PRKDC: variants seen among roughly 807,000 people sequenced by gnomAD.
The protein encoded by PRKDC is protein kinase, DNA-activated, catalytic subunit.
Under a neutral mutation model 486.9 loss-of-function variants are expected in PRKDC, and 82 were observed. The observed-to-expected ratio is 0.17, with a 90% CI of 0.14 to 0.20. The LOEUF (loss-of-function observed/expected upper bound fraction) is 0.20, where lower values mean the gene tolerates loss of function less well. Among genes scored for constraint, PRKDC ranks in the 10% least tolerant of loss-of-function variants. The pLI is 1.00. For synonymous variants in PRKDC, 1,895 were observed against 1,837.0 expected, an observed-to-expected ratio of 1.03 and a Z score of -0.81; for missense variants, 4,504 against 5,038.2, an observed-to-expected ratio of 0.89 and a Z score of 3.21.
In PRKDC at chr8:47,830,817, G is replaced by T. The variant is rs941704022; in HGVS notation, c.8266-81C>A. Reference sequence around the variant, plus strand: ...CGTGCATGAGCTATGAGGCTGCCAGGATCCCCTGAACCATGAGGGCGAAGT... The same window carrying T: ...CGTGCATGAGCTATGAGGCTGCCAGTATCCCCTGAACCATGAGGGCGAAGT... On this transcript the variant is annotated intron_variant, in intron 60 of 85. Transcript: ENST00000314191. 2.5e-6 allele frequency: 4 copies of T among 1,570,040 alleles called. No individual in the cohort carries two copies. The African/African-American group carries it at 4.1e-5, about 16-fold the overall frequency.
intron 40 of PRKDC, among the ~76,000 whole-genome samples, chr8:47,876,188 A>C (rs1246968969): frequency 1.3e-5 from 2 of 152,218 alleles, no homozygotes; most frequent in Non-Finnish European, 2.9e-5. Flanking sequence ...TACTCAATAA[A>C]CTACCTAAAA....
At chr8:47,955,461 CAAAAAAAAAAAAAAAAA>C (rs746883720) in intron 4 of PRKDC, among the ~76,000 whole-genome samples, 1 of 18,536 alleles carries the variant, frequency 5.4e-5, no homozygotes, top group Admixed American at 4.1e-4. Flanking sequence ...GACTCCGTCT[CAAAAAAAAAAAAAAAAA>C]AAAAAAAAAG....
intron 22 of PRKDC, among the ~76,000 whole-genome samples, chr8:47,916,069 G>A (rs2089977056): frequency 6.6e-6 from 1 of 151,982 alleles, no homozygotes; most frequent in Non-Finnish European, 1.5e-5. Flanking sequence ...CTGGTTCACT[G>A]GATTGTGCAG....
intron 78 of PRKDC, 57 bp downstream of exon 78, chr8:47,783,685 T>C (rs1212857919): frequency 6.5e-7 from 1 of 1,545,868 alleles, no homozygotes; most frequent in Non-Finnish European, 8.9e-7. Context: ...AACAGATCAT[T>C]CTCATCTGAA....
intron 64 of PRKDC, among the ~76,000 whole-genome samples, chr8:47,821,997 A>G (rs532142052): frequency 6.6e-6 from 1 of 152,290 alleles, no homozygotes; most frequent in African/African-American, 2.4e-5. Flanking sequence ...GAATAGAAAA[A>G]CCCAGCTGGG....
chr8:47,845,541 G>A (rs2088244880), intron 54 of PRKDC, among the ~76,000 whole-genome samples: 1 of 151,990 alleles, frequency 6.6e-6, no homozygotes. Context: ...AGGAAACCTA[G>A]AGGAAATAGA....
intron 16 of PRKDC, among the ~76,000 whole-genome samples, chr8:47,931,418 T>C (rs946706585): frequency 6.6e-6 from 1 of 151,652 alleles, no homozygotes; most frequent in Non-Finnish European, 1.5e-5. Context: ...GGGAAGCCAC[T>C]GAAGACAGCA....
Position 47,777,671 on chromosome 8 carries a change from T to G in PRKDC, c.12042+15A>C, listed in dbSNP as rs1472878932. On this transcript the variant is annotated intron_variant, in intron 84 of 85. Transcript: ENST00000314191. ...CTGTCACAAAAGTGAAAAGTGCACA[T>G]GAAACAAAACCTACTTTCCAATCAA... is the stretch of plus-strand genomic sequence containing the variant. The G allele has an allele frequency of 6.4e-7, 1 of 1,564,850 alleles. No individual in the cohort carries two copies. Among genetic ancestry groups the G allele is most frequent in the East Asian group, 2.3e-5 (1 of 44,150 alleles).
chr8:47,860,148 T>C (rs1402326724), intron 45 of PRKDC, among the ~76,000 whole-genome samples: 1 of 152,100 alleles, frequency 6.6e-6, no homozygotes, highest in African/African-American at 2.4e-5. Context: ...AGAAAACTGG[T>C]CCAAATTTTA....
rs1017472431 is a variant in PRKDC, at chr8:47,953,584, T to A, written c.721+36A>T. On this transcript the variant is annotated intron_variant, in intron 7 of 85. Transcript: ENST00000314191. The stretch of plus-strand genomic sequence containing the variant: ...GGCATTGCTGGTTAGACTTACAGTT[T>A]TTGAATAAAGAAAATCAAGTGAAGC... 5 of 1,557,150 alleles carry A rather than the reference T, an allele frequency of 3.2e-6. No individual in the cohort carries two copies. The African/African-American group carries it at 6.8e-5, about 21-fold the overall frequency.
chr8:47,938,979 A>G lies in PRKDC; in HGVS notation c.1113+572T>C, dbSNP rs1442614080. 2.6e-5 allele frequency among the ~76,000 whole-genome samples: 4 copies of G among 152,204 alleles called. No homozygotes were observed. The East Asian group carries it at 7.7e-4, about 29-fold the overall frequency. On this transcript the variant is annotated intron_variant, in intron 11 of 85. Coordinates refer to ENST00000314191, the MANE Select transcript of PRKDC (RefSeq NM_006904.7). ...TTACTTTAGGAATAAGGAGCAGCAT[A>G]GCACAGAGGGGAAACATGGTGTTTC...
At chr8:47,907,343 AATC>A (rs2089804354) in intron 25 of PRKDC, among the ~76,000 whole-genome samples, 1 of 147,428 alleles carries the variant, frequency 6.8e-6, no homozygotes, top group Non-Finnish European at 1.5e-5. Context: ...CCTGGCCAAG[AATC>A]ATACTGTTTT....
chr8:47,953,829 A>C lies in PRKDC; in HGVS notation c.599T>G (p.Phe200Cys). The stretch of plus-strand genomic sequence containing the variant: ...TACCTGGGTCTTAAGTTCACCCAGA[A>C]AAGCGCGGAACAGGTTTTCTGCATT... ...INNAENLFRA[F>C]LGELKTQMTS... The change falls in exon 6 of 86, where the codon TTT becomes TGT. Residue 200 changes from phenylalanine (F) to cysteine (C), a missense_variant. Phe to Cys is a radical substitution (Grantham distance 205). Around this residue, in one of 6 missense-constraint regions of PRKDC, gnomAD observed 1,969 missense variants for 2,068.9 expected, o/e 0.95. Coordinates refer to ENST00000314191, the MANE Select transcript of PRKDC (RefSeq NM_006904.7). 2 of 1,571,898 alleles carry C rather than the reference A, an allele frequency of 1.3e-6. No individual in the cohort carries two copies. The highest frequency in any genetic ancestry group is 1.7e-6 in the Non-Finnish European group (2 of 1,156,456).
chr8:47,827,628 T>G lies in PRKDC; in HGVS notation c.8577+540A>C, dbSNP rs573486498. ...TACCTGCTTCATTACTATCTTACAC[T>G]GCTTTAACACTTCCCTATTACTCAA... On this transcript the variant is annotated intron_variant, in intron 62 of 85. Transcript: ENST00000314191. 3.3e-4 allele frequency among the ~76,000 whole-genome samples: 51 copies of G among 152,366 alleles called. No homozygotes were observed. In the East Asian group the frequency reaches 5.8e-3, roughly 17 times the overall value.
At chr8:47,883,652 T>C (rs1012376743) in intron 36 of PRKDC, among the ~76,000 whole-genome samples, 1 of 152,262 alleles carries the variant, frequency 6.6e-6, no homozygotes, top group African/African-American at 2.4e-5. Context: ...TCCAAACTCA[T>C]TTCATTTTTA....
At chr8:47,801,502 GTATCAA>G (rs2087108561) in intron 70 of PRKDC, among the ~76,000 whole-genome samples, 2 of 152,180 alleles carry the variant, frequency 1.3e-5, no homozygotes, top group African/African-American at 4.8e-5. Context: ...AGAAGTAACT[GTATCAA>G]AGCCCACAGA....
rs374179695 is a variant in PRKDC at position 47,862,354 on chromosome 8, C to T, written c.5919+19G>A. On this transcript the variant is annotated intron_variant, in intron 43 of 85. Coordinates refer to ENST00000314191, the MANE Select transcript of PRKDC (RefSeq NM_006904.7). ...GAACTCCTACAATAACAATAGTGCA[C>T]ACCGTAGGAGTGGCCTACCTTTTCT... The T allele has an allele frequency of 1.9e-6, 3 of 1,604,990 alleles. No individual in the cohort carries two copies. The highest frequency in any genetic ancestry group is 2.6e-6 in the Non-Finnish European group (3 of 1,172,558).
In PRKDC at chr8:47,828,318, A is replaced by G. The variant is rs2087784435; in HGVS notation, c.8427T>C (p.Phe2809=). 6.9e-6 allele frequency: 11 copies of G among 1,594,378 alleles called. No homozygotes were observed. Among genetic ancestry groups the G allele is most frequent in the African/African-American group, 1.4e-5 (1 of 74,034 alleles). ...QRDPIIAKQL[F]SSLFSGILKE... is the part of the protein sequence containing the mutation. ...TCAAAATTCCAGAAAACAAGCTGCT[A>G]AAGAGCTGTTTTGCAATTATTGGGT... is the stretch of plus-strand genomic sequence containing the variant. Residue 2809 remains phenylalanine, a synonymous_variant, in exon 62 of 86, where the codon TTT becomes TTC. Coordinates refer to ENST00000314191, the MANE Select transcript of PRKDC (RefSeq NM_006904.7).
chr8:47,960,033 G>T lies in PRKDC; in HGVS notation c.94C>A (p.His32Asn). Residue 32 changes from histidine to asparagine, a missense_variant, in exon 1 of 86, where the codon CAT becomes AAT. Physicochemically the swap from His to Asn is moderately conservative, Grantham distance 68 (BLOSUM62 1). This residue lies in a region of PRKDC where 145 missense variants were observed against 136.3 expected (regional missense o/e 1.06). Transcript: ENST00000314191. The part of the protein sequence containing the change: ...ADRCGAALAG[H>N]QLIRGLGQEC... ...TGCCCCAGGCCGCGGATCAGTTGAT[G>T]ACCGGCCAGGGCAGCACCGCAGCGG... The T allele has an allele frequency of 6.5e-7, 1 of 1,534,162 alleles. No individual in the cohort carries two copies. The highest frequency in any genetic ancestry group is 1.2e-5 in the South Asian group (1 of 83,980).
Sources: allele counts gnomAD v4.1 joint callset (sites outside exome capture counted in the v4.1 genomes callset), GRCh38; gene constraint gnomAD v4.1.1; regional missense constraint gnomAD v4.1.1; transcripts MANE v1.5; gene names NCBI Gene and HGNC (gene_info 2026-07-23, HGNC 2026-07-21).